The following ANK1 variants were observed in gnomAD, a reference collection of about 807,000 sequenced individuals.
The protein encoded by ANK1 is ankyrin-1.
A neutral mutation model predicts 210.4 loss-of-function variants in ANK1; 51 were observed. The ratio of observed to expected loss-of-function variants is 0.24; its 90% CI spans 0.19 to 0.31. The LOEUF is 0.31. Ranked by LOEUF, ANK1 falls within the 10% of genes least tolerant of loss-of-function variation. The probability of loss-of-function intolerance (pLI) is 1.00; values close to 1 mark genes in which losing one functional copy is unlikely to be tolerated. For synonymous variants in ANK1, 967 were observed against 1,025.9 expected (o/e 0.94, Z 1.10); for missense variants, 2,051 against 2,504.4 (o/e 0.82, Z 3.86).
In ANK1 at chr8:41,668,546, T is replaced by G; in HGVS notation, c.5115A>C (p.Ala1705=). 4 of 1,613,668 alleles carry G rather than the reference T, an allele frequency of 2.5e-6. No individual in the cohort carries two copies. Among genetic ancestry groups the G allele is most frequent in the Non-Finnish European group, 3.4e-6 (4 of 1,179,568 alleles). ...GCAGGTATGAGACAATCGAGCCGTCTGCATCCCAGTCCTGCAGTCTGGGGT... is the reference window on the plus strand; with the variant it reads ...GCAGGTATGAGACAATCGAGCCGTCGGCATCCCAGTCCTGCAGTCTGGGGT... ...RSQDRLQDWD[A]DGSIVSYLQD... Residue 1705 remains alanine (A), a synonymous_variant, in exon 39 of 43, where the codon GCA becomes GCC. Transcript: ENST00000289734.
At chr8:41,809,638 C>T (rs1802177322) in intron 1 of ANK1, among the ~76,000 whole-genome samples, 1 of 151,946 alleles carries the variant, frequency 6.6e-6, no homozygotes, top group Admixed American at 6.5e-5. Context: ...CATGAGGGTG[C>T]ATGCCTGTAG....
At chr8:41,766,336 A>G (rs1586805583) in intron 1 of ANK1, among the ~76,000 whole-genome samples, 1 of 152,292 alleles carries the variant, frequency 6.6e-6, no homozygotes, top group Middle Eastern at 3.4e-3. Context: ...TTGACGATGG[A>G]GAAACAGAGG....
intron 41 of ANK1, 47 bp from the exon 42 acceptor site, chr8:41,661,611 G>A: frequency 1.2e-6 from 2 of 1,611,886 alleles, no homozygotes; most frequent in Non-Finnish European, 8.5e-7. Flanking sequence ...CGCAAAGACG[G>A]GCAGAACACA....
chr8:41,771,772 G>T (rs941737243), intron 1 of ANK1, among the ~76,000 whole-genome samples: 1 of 152,212 alleles, frequency 6.6e-6, no homozygotes, highest in African/African-American at 2.4e-5. Context: ...TGGGAGAGAA[G>T]AAAGGGAAGA....
chr8:41,714,447 G>A (rs184710771), intron 15 of ANK1, among the ~76,000 whole-genome samples, 193 bp from the exon 16 acceptor site: 50 of 152,280 alleles, frequency 3.3e-4, no homozygotes, highest in Admixed American at 1.8e-3. Flanking sequence ...AGGGGGGAAC[G>A]TGGGCAGTGA....
At chr8:41,816,927 A>G (rs1409790433) in intron 1 of ANK1, among the ~76,000 whole-genome samples, 1 of 152,254 alleles carries the variant, frequency 6.6e-6, no homozygotes, top group African/African-American at 2.4e-5. Context: ...CCATATAGAT[A>G]GAAACAGATC....
Position 41,723,182 on chromosome 8 carries a change from G to A in ANK1, c.852C>T (p.His284=), listed in dbSNP as rs145901219. The change falls in exon 9 of 43, where the codon CAC becomes CAT. Residue 284 remains histidine (H), a synonymous_variant. Transcript: ENST00000289734. ...TPLHCAARNG[H]VRISEILLDH... is the part of the protein sequence containing the mutation. ...CCAGCAGGATCTCTGAGATTCGCAC[G>A]TGCCCATTTCGAGCTGCACAGTGGA... 12 of 1,614,156 alleles carry A rather than the reference G, an allele frequency of 7.4e-6. No individual in the cohort carries two copies. In the East Asian group the frequency reaches 1.1e-4, roughly 15 times the overall value.
At chr8:41,891,891 T>C (rs944714347) in intron 1 of ANK1, among the ~76,000 whole-genome samples, 14 of 152,200 alleles carry the variant, frequency 9.2e-5, no homozygotes, top group Admixed American at 7.2e-4. Context: ...CAATACAACA[T>C]AAGTATGCTA....
chr8:41,715,739 G>T lies in ANK1; in HGVS notation c.1515C>A (p.Thr505=), dbSNP rs759084350. ...CCTCACGGGCTGCAATGTGCAGGGG[G>T]GTGTGCCCGGCGGTGGTGGCCAGGT... ...NPNLATTAGH[T]PLHIAAREGH... is the part of the protein sequence containing the mutation. The change falls in exon 14 of 43, where the codon ACC becomes ACA. Residue 505 remains threonine, a synonymous_variant. Coordinates refer to ENST00000289734, the MANE Select transcript of ANK1 (RefSeq NM_000037.4). The T allele has an allele frequency of 1.2e-6, 2 of 1,614,090 alleles. No homozygotes were observed. Among genetic ancestry groups the T allele is most frequent in the African/African-American group, 1.3e-5 (1 of 74,924 alleles).
chr8:41,668,400 A>G lies in ANK1; in HGVS notation c.5261T>C (p.Leu1754Pro). ...CCACGTGTGCTCACTTACAGACACC[A>G]GGACCTTCTCGTACTCCTGAGATCC... is the stretch of plus-strand genomic sequence containing the variant. Reference protein sequence around the residue: ...PGGSQEYEKVLVSVSEHTWTE... With the variant: ...PGGSQEYEKVPVSVSEHTWTE... Residue 1754 changes from leucine to proline, a missense_variant, in exon 39 of 43, where the codon CTG becomes CCG. By Grantham distance (98) the Leu-to-Pro change is moderately conservative (BLOSUM62 -3). This residue lies in a region of ANK1 where 496 missense variants were observed against 533.4 expected (regional missense o/e 0.93). Coordinates refer to ENST00000289734, the MANE Select transcript of ANK1 (RefSeq NM_000037.4). 2 of 1,614,222 alleles carry G rather than the reference A, an allele frequency of 1.2e-6. No individual in the cohort carries two copies. Among genetic ancestry groups the G allele is most frequent in the African/African-American group, 1.3e-5 (1 of 75,058 alleles).
At chr8:41,660,791 C>T (rs1389327886) in intron 42 of ANK1, among the ~76,000 whole-genome samples, 10 of 152,164 alleles carry the variant, frequency 6.6e-5, no homozygotes, top group Admixed American at 5.2e-4. Context: ...ACGTGTTTCA[C>T]AAAACACCAA....
At chr8:41,782,525 T>G (rs1308626992) in intron 1 of ANK1, among the ~76,000 whole-genome samples, 2 of 152,116 alleles carry the variant, frequency 1.3e-5, no homozygotes, top group African/African-American at 2.4e-5. Context: ...ACGGACTGAG[T>G]GAGCCCTGCA....
At chr8:41,714,289 A>C (rs1166770831) in intron 15 of ANK1, 35 bp from the exon 16 acceptor site, 1 of 1,495,358 alleles carries the variant, frequency 6.7e-7, no homozygotes. Flanking sequence ...GCCGGCTGTC[A>C]CTCCCACGGA....
chr8:41,686,274 C>T lies in ANK1; in HGVS notation c.4268G>A (p.Arg1423Gln). ...GTCTTCCACACTGAACTGCAGCTCC[C>T]GGGCCAACTCTGCAAGCAAAGAACC... ...HLGLSWAELA[R>Q]ELQFSVEDIN... is the part of the protein sequence containing the mutation. The change falls in exon 36 of 43, where the codon CGG (arginine) becomes CAG (glutamine). Residue 1423 changes from arginine (R) to glutamine (Q), a missense_variant. By Grantham distance (43) the Arg-to-Gln change is conservative (BLOSUM62 1). This residue lies in a region of ANK1 where 39 missense variants were observed against 75.1 expected (regional missense o/e 0.52). Transcript: ENST00000289734. The T allele has an allele frequency of 3.1e-6, 5 of 1,613,692 alleles. No homozygotes were observed. Among genetic ancestry groups the T allele is most frequent in the Non-Finnish European group, 4.2e-6 (5 of 1,180,010 alleles).
intron 1 of ANK1, among the ~76,000 whole-genome samples, chr8:41,812,917 C>A (rs992912851): frequency 6.6e-6 from 1 of 152,200 alleles, no homozygotes; most frequent in Non-Finnish European, 1.5e-5. Flanking sequence ...TGGCTCATTG[C>A]TCACTTCCTG....
Position 41,694,344 on chromosome 8 carries a change from G to C in ANK1, c.3328-242C>G, listed in dbSNP as rs1439621958. On this transcript the variant is annotated intron_variant, in intron 28 of 42. Transcript: ENST00000289734. The surrounding 1 kb of genome is among the most constrained non-coding windows in gnomAD (Gnocchi z 5.7). ...CACAGTCAACTCCCGGAGGTCATGC[G>C]GTTCCTGCATGCTGCACAGACTGGG... Among the ~76,000 whole-genome samples, 1 of 152,228 alleles carries C rather than the reference G, an allele frequency of 6.6e-6. No homozygotes were observed. Among genetic ancestry groups the C allele is most frequent in the African/African-American group, 2.4e-5 (1 of 41,464 alleles).
At chr8:41,792,515 T>C (rs1847950915) in intron 1 of ANK1, among the ~76,000 whole-genome samples, 1 of 152,214 alleles carries the variant, frequency 6.6e-6, no homozygotes, top group African/African-American at 2.4e-5. Flanking sequence ...TTAACAAATC[T>C]ATTTTTCAGC....
At chr8:41,852,722 C>G (rs1811487783) in intron 1 of ANK1, among the ~76,000 whole-genome samples, 2 of 152,236 alleles carry the variant, frequency 1.3e-5, no homozygotes, top group Non-Finnish European at 2.9e-5. Flanking sequence ...GATGATTTAT[C>G]GAGGATGACG....
At chr8:41,873,990 A>T (rs1352309092) in intron 1 of ANK1, among the ~76,000 whole-genome samples, 2 of 152,206 alleles carry the variant, frequency 1.3e-5, no homozygotes, top group African/African-American at 4.8e-5. Flanking sequence ...CACAATGCAC[A>T]CATGCAGGCA....
Sources: allele counts gnomAD v4.1 joint callset (sites outside exome capture counted in the v4.1 genomes callset), GRCh38; gene constraint gnomAD v4.1.1; regional missense constraint gnomAD v4.1.1; non-coding constraint Gnocchi (gnomAD v3.1); transcripts MANE v1.5; gene names NCBI Gene and HGNC (gene_info 2026-07-23, HGNC 2026-07-21).